Variants in PRKD1 observed in about 807,000 individuals in gnomAD.
The protein encoded by PRKD1 is serine/threonine-protein kinase D1.
A neutral mutation model predicts 95.9 loss-of-function variants in PRKD1; 63 were observed. The observed-to-expected ratio is 0.66, with a 90% CI of 0.54 to 0.81. PRKD1 has a LOEUF of 0.81. Among genes scored for constraint, PRKD1 ranks in the 30% least tolerant of loss-of-function variants. The pLI, the probability that PRKD1 is intolerant of heterozygous loss-of-function variation, is 0.00. For missense variants in PRKD1, 1,048 were observed against 1,165.3 expected (o/e 0.90, Z 1.47); for synonymous variants, 425 against 423.1 (o/e 1.00, Z -0.05).
At chr14:29,854,156 A>C (rs1218771477) in intron 1 of PRKD1, among the ~76,000 whole-genome samples, 1 of 152,186 alleles carries the variant, frequency 6.6e-6, no homozygotes, top group Non-Finnish European at 1.5e-5. Flanking sequence ...AAAGATACCC[A>C]AAAATGTGGA....
At chr14:29,691,199 CCA>C (rs1323112921) in intron 2 of PRKD1, among the ~76,000 whole-genome samples, 2 of 152,162 alleles carry the variant, frequency 1.3e-5, no homozygotes, top group African/African-American at 4.8e-5. Flanking sequence ...CTGGTTGTCC[CCA>C]GTTTTCCGAG....
chr14:29,881,766 C>T (rs1195476930), intron 1 of PRKD1, among the ~76,000 whole-genome samples: 3 of 152,204 alleles, frequency 2.0e-5, no homozygotes, highest in Non-Finnish European at 4.4e-5. Flanking sequence ...TTTCCCAAAA[C>T]TTCTCCTTTT....
At chr14:29,826,782 C>CACATAT (rs1409428184) in intron 1 of PRKD1, among the ~76,000 whole-genome samples, 1 of 25,258 alleles carries the variant, frequency 4.0e-5, no homozygotes, top group Non-Finnish European at 7.0e-5. Flanking sequence ...CATATATATA[C>CACATAT]ATATATACAC....
intron 1 of PRKD1, among the ~76,000 whole-genome samples, chr14:29,805,620 C>T (rs1260895646): frequency 1.3e-5 from 2 of 152,218 alleles, no homozygotes; most frequent in Admixed American, 6.5e-5. Context: ...TTCACAGCAT[C>T]TCTATGAGGT....
chr14:29,654,022 ACT>A (rs1273192323), intron 4 of PRKD1, among the ~76,000 whole-genome samples: 2 of 152,024 alleles, frequency 1.3e-5, no homozygotes, highest in East Asian at 3.9e-4. Context: ...GGAAATGGAA[ACT>A]CTCATACACT....
chr14:29,907,109 T>C (rs952819330), intron 1 of PRKD1, among the ~76,000 whole-genome samples: 1 of 152,194 alleles, frequency 6.6e-6, no homozygotes, highest in African/African-American at 2.4e-5. Flanking sequence ...ATTCAGGCCC[T>C]ACCATAAAAT....
rs181737613 is a variant in PRKD1 at position 29,636,626 on chromosome 14, A to T, written c.986-132T>A. 1,207 of 863,222 alleles carry T rather than the reference A, an allele frequency of 1.4e-3. 7 individuals are homozygous for T. In the African/African-American group the frequency reaches 0.02, roughly 14 times the overall value. The allele number at this position is 863,222 out of a possible 1,614,324, so 53.5% of individuals were successfully genotyped here. A position where few individuals can be genotyped will look rare whatever the true frequency, so the allele number is the denominator to read the frequency against. ...TAGTTCTGTGATGAGTTTATTTTTTATTTTTTAACTTTTATTTTAAGTTTA... is the reference window on the plus strand; with the variant it reads ...TAGTTCTGTGATGAGTTTATTTTTTTTTTTTTAACTTTTATTTTAAGTTTA... On this transcript the variant is annotated intron_variant, in intron 6 of 17. Coordinates refer to ENST00000331968, the MANE Select transcript of PRKD1 (RefSeq NM_002742.3).
chr14:29,600,772 A>G (rs749583173), intron 13 of PRKD1, among the ~76,000 whole-genome samples: 1 of 152,178 alleles, frequency 6.6e-6, no homozygotes, highest in Non-Finnish European at 1.5e-5. Flanking sequence ...TGACACATTA[A>G]TTGCCACATG....
chr14:29,663,731 G>T lies in PRKD1; in HGVS notation c.664C>A (p.Leu222Ile). 1 of 1,614,070 alleles carries T rather than the reference G, an allele frequency of 6.2e-7. No individual in the cohort carries two copies. Among genetic ancestry groups the T allele is most frequent in the Non-Finnish European group, 8.5e-7 (1 of 1,179,962 alleles). ...VSTIRTSSAE[L>I]STSAPDEPLL... is the part of the protein sequence containing the mutation. The stretch of plus-strand genomic sequence containing the variant: ...GGCTCATCAGGGGCACTTGTAGAGA[G>T]TTCAGCAGATGATGTGCGGATGGTG... Residue 222 changes from leucine to isoleucine, a missense_variant, in exon 4 of 18, where the codon CTC becomes ATC. By Grantham distance (5) the Leu-to-Ile change is conservative. Coordinates refer to ENST00000331968, the MANE Select transcript of PRKD1 (RefSeq NM_002742.3).
intron 1 of PRKD1, among the ~76,000 whole-genome samples, chr14:29,825,400 A>ATG (rs949854870): frequency 8.6e-5 from 13 of 151,988 alleles, no homozygotes; most frequent in East Asian, 1.9e-4. Flanking sequence ...ATATATTTAA[A>ATG]TGTGTGTGTG....
intron 1 of PRKD1, among the ~76,000 whole-genome samples, chr14:29,839,742 TC>T (rs1483402177): frequency 6.6e-6 from 1 of 151,872 alleles, no homozygotes; most frequent in African/African-American, 2.4e-5. Context: ...TTCTGTGCAC[TC>T]CCAGGCTGAA....
intron 2 of PRKD1, among the ~76,000 whole-genome samples, chr14:29,713,836 T>G (rs1885457903): frequency 6.6e-6 from 1 of 152,166 alleles, no homozygotes; most frequent in Admixed American, 6.6e-5. Context: ...GTTCTCAGTT[T>G]GAAGTTCAGG....
At chr14:29,699,260 CAATTT>C (rs1476807060) in intron 2 of PRKD1, among the ~76,000 whole-genome samples, 1 of 152,146 alleles carries the variant, frequency 6.6e-6, no homozygotes, top group African/African-American at 2.4e-5. Flanking sequence ...AGAGCTTTAC[CAATTT>C]ACCTTCCAAC....
intron 1 of PRKD1, among the ~76,000 whole-genome samples, chr14:29,844,328 CAT>C (rs1383737382): frequency 6.6e-6 from 1 of 152,028 alleles, no homozygotes; most frequent in Admixed American, 6.6e-5. Context: ...GAACTTTTAG[CAT>C]AAGAAATACT....
intron 1 of PRKD1, among the ~76,000 whole-genome samples, chr14:29,748,742 A>G (rs1244579770): frequency 1.3e-5 from 2 of 152,348 alleles, no homozygotes; most frequent in African/African-American, 4.8e-5. Context: ...AATTGAATAA[A>G]TATAGCCATC....
chr14:29,763,697 T>C (rs1367440461), intron 1 of PRKD1, among the ~76,000 whole-genome samples: 2 of 152,096 alleles, frequency 1.3e-5, no homozygotes, highest in African/African-American at 4.8e-5. Flanking sequence ...GGATTTGGCC[T>C]GTGTCTCATA....
At chr14:29,620,871 G>A (rs1879202514) in intron 13 of PRKD1, among the ~76,000 whole-genome samples, 1 of 151,710 alleles carries the variant, frequency 6.6e-6, no homozygotes. Context: ...AAAGACACAT[G>A]CACATGTATG....
intron 1 of PRKD1, among the ~76,000 whole-genome samples, chr14:29,822,707 G>A (rs566820522): frequency 6.6e-6 from 1 of 152,152 alleles, no homozygotes. Context: ...GTAGATCTAA[G>A]TACAGAATCC....
chr14:29,835,777 G>A (rs1245188969), intron 1 of PRKD1, among the ~76,000 whole-genome samples: 1 of 151,624 alleles, frequency 6.6e-6, no homozygotes, highest in Admixed American at 6.6e-5. Context: ...CACCACGTTG[G>A]TCAAGCTTGT....
Sources: gnomAD v4.1 joint callset for allele counts (sites outside exome capture counted in the v4.1 genomes callset) on GRCh38, gnomAD v4.1.1 for gene constraint, MANE v1.5 for transcripts, NCBI Gene and HGNC (gene_info 2026-07-23, HGNC 2026-07-21) for gene names.